Variants in KLF12 observed in about 807,000 individuals in gnomAD.
KLF12 encodes the protein KLF transcription factor 12.
KLF12 carries 9 observed loss-of-function variants against 37.8 expected under a neutral mutation model. The ratio of observed to expected loss-of-function variants is 0.24; its 90% CI spans 0.14 to 0.42. The LOEUF is 0.42. KLF12 is among the 10% of genes least tolerant of loss of function. KLF12 has a pLI of 1.00. For missense variants in KLF12, 411 were observed against 516.0 expected, an observed-to-expected ratio of 0.80 and a Z score of 1.97; for synonymous variants, 208 against 202.1, an observed-to-expected ratio of 1.03 and a Z score of -0.25.
intron 3 of KLF12, among the ~76,000 whole-genome samples, chr13:73,849,511 TC>T (rs980380938): frequency 6.7e-5 from 10 of 150,074 alleles, no homozygotes; most frequent in Non-Finnish European, 1.5e-4. Context: ...AAGGAAAGAA[TC>T]CCAAGTAAGA....
intron 4 of KLF12, among the ~76,000 whole-genome samples, chr13:73,831,687 C>T (rs1239970647): frequency 2.0e-5 from 3 of 152,258 alleles, no homozygotes; most frequent in East Asian, 1.9e-4. Flanking sequence ...TTGCTGGCTG[C>T]CACTTTTTTA....
intron 1 of KLF12, among the ~76,000 whole-genome samples, chr13:73,998,841 T>A (rs1292484301): frequency 6.6e-6 from 1 of 152,242 alleles, no homozygotes; most frequent in Non-Finnish European, 1.5e-5. Flanking sequence ...TTTCTGGAGA[T>A]AAATGCAAAT....
intron 6 of KLF12, among the ~76,000 whole-genome samples, chr13:73,740,838 G>A (rs1877918849): frequency 6.6e-6 from 1 of 152,164 alleles, no homozygotes; most frequent in South Asian, 2.1e-4. Flanking sequence ...GCATGTCAGT[G>A]TGTGGGCAGA....
intron 2 of KLF12, among the ~76,000 whole-genome samples, chr13:73,956,939 A>AGGGAG (rs779175963): frequency 7.4e-4 from 112 of 150,662 alleles, no homozygotes; most frequent in Non-Finnish European, 1.5e-3. Flanking sequence ...AAGGAAAGAA[A>AGGGAG]GGGAGGGAAG....
chr13:73,742,506 T>C (rs552795558), intron 6 of KLF12, among the ~76,000 whole-genome samples: 5 of 152,346 alleles, frequency 3.3e-5, no homozygotes, highest in East Asian at 1.9e-4. Context: ...CTAAATACTT[T>C]ACATGCGTCA....
chr13:73,820,686 C>T (rs1883475114), intron 4 of KLF12, among the ~76,000 whole-genome samples: 1 of 152,172 alleles, frequency 6.6e-6, no homozygotes, highest in Non-Finnish European at 1.5e-5. Context: ...GCAATTTACT[C>T]ATTTTTCCCC....
intron 5 of KLF12, among the ~76,000 whole-genome samples, chr13:73,780,366 T>G (rs991281621): frequency 7.2e-5 from 11 of 152,194 alleles, no homozygotes; most frequent in Non-Finnish European, 1.0e-4. Context: ...GTACCCAGTG[T>G]GTGGTCTTTT....
chr13:73,990,439 G>T (rs1891936576), intron 2 of KLF12, among the ~76,000 whole-genome samples: 1 of 152,168 alleles, frequency 6.6e-6, no homozygotes, highest in African/African-American at 2.4e-5. Context: ...AAACTTCACA[G>T]TGACACCAAA....
intron 3 of KLF12, among the ~76,000 whole-genome samples, chr13:73,925,858 G>A (rs1676310891): frequency 6.6e-6 from 1 of 152,166 alleles, no homozygotes; most frequent in African/African-American, 2.4e-5. Flanking sequence ...AGGTGTTTAA[G>A]ACTTCAGCGG....
intron 1 of KLF12, among the ~76,000 whole-genome samples, chr13:74,020,291 C>G (rs551165844): frequency 5.2e-4 from 79 of 152,290 alleles, no homozygotes; most frequent in African/African-American, 1.9e-3. Flanking sequence ...CAAGCTCTCT[C>G]AACTCTATTC....
intron 3 of KLF12, among the ~76,000 whole-genome samples, chr13:73,938,865 G>A (rs906949646): frequency 2.0e-5 from 3 of 152,006 alleles, no homozygotes; most frequent in Admixed American, 6.6e-5. Context: ...GAGTATTGAC[G>A]TGATTCTATA....
chr13:73,764,951 G>T lies in KLF12; in HGVS notation c.856C>A (p.Gln286Lys). 1 of 1,570,366 alleles carries T rather than the reference G, an allele frequency of 6.4e-7. No homozygotes were observed. Among genetic ancestry groups the T allele is most frequent in the Non-Finnish European group, 8.8e-7 (1 of 1,140,660 alleles). ...CTGTATACTCACCAAGGAAACTTTT[G>T]ATTATTCATTCGATTGCCCCGGACC... The change falls in exon 6 of 8, where the codon CAA becomes AAA. Residue 286 changes from glutamine (Q) to lysine (K), a missense_variant. Coordinates refer to ENST00000377669, the MANE Select transcript of KLF12 (RefSeq NM_007249.5).
chr13:73,987,795 G>A (rs1891864730), intron 2 of KLF12, among the ~76,000 whole-genome samples: 1 of 134,336 alleles, frequency 7.4e-6, no homozygotes, highest in African/African-American at 2.8e-5. Flanking sequence ...AAGTGGGAGA[G>A]GAGAGAGAAA....
intron 6 of KLF12, among the ~76,000 whole-genome samples, chr13:73,763,581 A>T (rs1879706880): frequency 6.6e-6 from 1 of 152,196 alleles, no homozygotes; most frequent in Non-Finnish European, 1.5e-5. Flanking sequence ...TCAATACTTC[A>T]GAGAGGAAAA....
At chr13:74,262,029 G>C in the KLF12 span, among the ~76,000 whole-genome samples, 1 of 152,152 alleles carries the variant, frequency 6.6e-6, no homozygotes, top group Non-Finnish European at 1.5e-5. Flanking sequence ...CTGCACTGGG[G>C]CCTCTCTTTT....
chr13:73,790,897 C>T (rs2138266569), intron 5 of KLF12, among the ~76,000 whole-genome samples: 1 of 152,314 alleles, frequency 6.6e-6, no homozygotes, highest in Admixed American at 6.5e-5. Flanking sequence ...TTCACTAAAC[C>T]ATGCTCTCTC....
intron 4 of KLF12, among the ~76,000 whole-genome samples, chr13:73,831,406 T>C (rs1023067282): frequency 5.3e-5 from 8 of 152,156 alleles, no homozygotes; most frequent in African/African-American, 1.9e-4. Context: ...ATATAAGCAC[T>C]CTATAAAGGT....
rs921595243 is a variant in KLF12, at chr13:73,941,744, T to C, written c.123+2237A>G. Among the ~76,000 whole-genome samples, 5 of 152,234 alleles carry C rather than the reference T, an allele frequency of 3.3e-5. No homozygotes were observed. The South Asian group carries it at 8.3e-4, about 25-fold the overall frequency. On this transcript the variant is annotated intron_variant, in intron 3 of 7. Transcript: ENST00000377669. ...GTATTCTAATAGAGTTAAATCATTA[T>C]ACATTTCATTAAACACTACAGGCTG...
chr13:73,820,901 G>T (rs1883491135), intron 4 of KLF12, among the ~76,000 whole-genome samples: 1 of 151,910 alleles, frequency 6.6e-6, no homozygotes, highest in South Asian at 2.1e-4. Flanking sequence ...TTCTCCCTTG[G>T]CCTCGGGGAT....
Sources: gnomAD v4.1 joint callset for allele counts (sites outside exome capture counted in the v4.1 genomes callset) on GRCh38, gnomAD v4.1.1 for gene constraint, MANE v1.5 for transcripts, NCBI Gene and HGNC (gene_info 2026-07-23, HGNC 2026-07-21) for gene names.